VPS26C: variants seen among roughly 807,000 people sequenced by gnomAD.
VPS26C encodes vacuolar protein sorting-associated protein 26C.
VPS26C carries 19 observed loss-of-function variants against 30.6 expected under a neutral mutation model. That is an observed-to-expected ratio of 0.62 (90% CI 0.43 to 0.91). The LOEUF is 0.91. Among genes scored for constraint, VPS26C ranks in the 40% least tolerant of loss-of-function variants. The pLI, the probability that VPS26C is intolerant of heterozygous loss-of-function variation, is 0.00. For synonymous variants in VPS26C, 132 were observed against 151.5 expected (o/e 0.87, Z 0.95); for missense variants, 318 against 385.1 (o/e 0.83, Z 1.46).
chr21:37,262,971 GC>G (rs1462497970), intron 1 of VPS26C, among the ~76,000 whole-genome samples: 3 of 152,000 alleles, frequency 2.0e-5, no homozygotes, highest in African/African-American at 7.2e-5. Context: ...CGCCACGTTG[GC>G]CAGGCTGGTC....
At chr21:37,246,706 T>C (rs1440007841) in intron 1 of VPS26C, among the ~76,000 whole-genome samples, 1 of 152,232 alleles carries the variant, frequency 6.6e-6, no homozygotes, top group African/African-American at 2.4e-5. Flanking sequence ...AGTAGTATAA[T>C]GTACATGGCT....
At chr21:37,239,299 A>G (rs1422034944) in intron 2 of VPS26C, among the ~76,000 whole-genome samples, 1 of 152,246 alleles carries the variant, frequency 6.6e-6, no homozygotes, top group African/African-American at 2.4e-5. Flanking sequence ...TGTAGAAAAC[A>G]TAGGAAGCCC....
At chr21:37,245,629 G>T (rs528118135) in intron 1 of VPS26C, among the ~76,000 whole-genome samples, 1 of 152,174 alleles carries the variant, frequency 6.6e-6, no homozygotes, top group South Asian at 2.1e-4. Flanking sequence ...TCTGTCTCCT[G>T]CCCCTGAACA....
intron 1 of VPS26C, among the ~76,000 whole-genome samples, chr21:37,246,538 C>T (rs561728682): frequency 6.6e-6 from 1 of 151,992 alleles, no homozygotes; most frequent in South Asian, 2.1e-4. Context: ...AAAACTATGT[C>T]AAAAGAACCA....
chr21:37,228,303 A>G lies in VPS26C; in HGVS notation c.578T>C (p.Leu193Pro). The G allele has an allele frequency of 6.2e-7, 1 of 1,614,176 alleles. No homozygotes were observed. Among genetic ancestry groups the G allele is most frequent in the Non-Finnish European group, 8.5e-7 (1 of 1,180,014 alleles). Residue 193 changes from leucine to proline, a missense_variant, in exon 6 of 8, where the codon CTA (leucine) becomes CCA (proline). Leu to Pro is a moderately conservative substitution (Grantham distance 98, BLOSUM62 -3). Coordinates refer to ENST00000309117, the MANE Select transcript of VPS26C (RefSeq NM_006052.2). The stretch of plus-strand genomic sequence containing the variant: ...GCTCTCCACCACCAGCTCTCCCGTT[A>G]GTGGCTGCGTGATGACACAGTTTGT... ...NSTNCVITQPLTGELVVESSE... is the reference protein window; with the variant it reads ...NSTNCVITQPPTGELVVESSE...
rs1216839292 is a variant in VPS26C, at chr21:37,226,943, G to A, written c.811+711C>T. On this transcript the variant is annotated intron_variant, in intron 7 of 7. Transcript: ENST00000309117. This position sits in a 1 kb window ranked among gnomAD's most constrained non-coding sequence, Gnocchi z 4.1. ...TCCCAATTAACATGATTCTTATTAA[G>A]ATGGAGGTCCCATTACAATATTTAT... 6.6e-6 allele frequency: 1 copy of A among 152,228 alleles called. No homozygotes were observed. The highest frequency in any genetic ancestry group is 1.5e-5 in the Non-Finnish European group (1 of 68,050). 9.4% of individuals were successfully genotyped at this position (152,228 alleles called of 1,614,324 possible).
At chr21:37,246,839 C>A (rs1052751163) in intron 1 of VPS26C, among the ~76,000 whole-genome samples, 1 of 152,184 alleles carries the variant, frequency 6.6e-6, no homozygotes, top group African/African-American at 2.4e-5. Context: ...CTCACTGCAA[C>A]CTCCACCTCC....
intron 1 of VPS26C, 68 bp downstream of exon 1, chr21:37,267,170 G>C: frequency 7.5e-7 from 1 of 1,333,444 alleles, no homozygotes; most frequent in Non-Finnish European, 1.1e-6. Context: ...TGCGCAGAGC[G>C]ATGGAGACAG....
At chr21:37,242,226 A>G (rs2086094801) in intron 1 of VPS26C, among the ~76,000 whole-genome samples, 1 of 152,240 alleles carries the variant, frequency 6.6e-6, no homozygotes, top group African/African-American at 2.4e-5. Context: ...ATTCCTGTGA[A>G]GTAACTTAAA....
At position 37,225,750 on chromosome 21, in the gene VPS26C, T is replaced by C. The variant is rs954920386; in HGVS notation, c.812-124A>G. ...GAGCACCCGGTGCGGGTGGGTTTCA[T>C]TGCTGTCCCCTCAGCGCCACCCTGA... On this transcript the variant is annotated intron_variant, in intron 7 of 7. Transcript: ENST00000309117. The C allele has an allele frequency of 3.9e-6, 3 of 771,430 alleles. No homozygotes were observed. In the South Asian group the frequency reaches 4.6e-5, roughly 12 times the overall value. 47.8% of individuals were successfully genotyped at this position (771,430 alleles called of 1,614,324 possible). A position where few individuals can be genotyped will look rare whatever the true frequency, so the allele number is the denominator to read the frequency against.
chr21:37,242,274 G>A (rs1411947803), intron 1 of VPS26C, among the ~76,000 whole-genome samples: 2 of 152,038 alleles, frequency 1.3e-5, no homozygotes, highest in African/African-American at 2.4e-5. Flanking sequence ...TTAATTTTTT[G>A]TATAGCCCAA....
chr21:37,242,169 GTTTAA>G (rs756774224), intron 1 of VPS26C, among the ~76,000 whole-genome samples: 4 of 152,178 alleles, frequency 2.6e-5, no homozygotes, highest in Non-Finnish European at 4.4e-5. Flanking sequence ...AATGTTTAAT[GTTTAA>G]TTTAATGTTC....
chr21:37,258,802 G>A (rs1327910527), intron 1 of VPS26C, among the ~76,000 whole-genome samples: 1 of 152,184 alleles, frequency 6.6e-6, no homozygotes, highest in Non-Finnish European at 1.5e-5. Context: ...GAAACACGCC[G>A]CGGTGGTCAA....
At chr21:37,239,271 A>T (rs192832187) in intron 2 of VPS26C, among the ~76,000 whole-genome samples, 3 of 152,328 alleles carry the variant, frequency 2.0e-5, no homozygotes, top group Non-Finnish European at 4.4e-5. Flanking sequence ...CTTAAGTACT[A>T]ATGGATTAAA....
chr21:37,237,313 C>T (rs1210966323), intron 3 of VPS26C: 4 of 152,126 alleles, frequency 2.6e-5, no homozygotes, highest in African/African-American at 4.8e-5. Context: ...TAAAGCAAGT[C>T]GATACTGATT....
At chr21:37,267,203 CCCCACCTCCAT>C in intron 1 of VPS26C, 24 bp downstream of exon 1, 1 of 830,092 alleles carries the variant, frequency 1.2e-6, no homozygotes, top group Admixed American at 2.0e-5. Flanking sequence ...ACCCGCCCAA[CCCCACCTCCAT>C]CCCCACCCCC....
At chr21:37,227,905 C>G (rs2085919006) in intron 6 of VPS26C, 99 bp from the exon 7 acceptor site, 2 of 1,488,026 alleles carry the variant, frequency 1.3e-6, no homozygotes, top group African/African-American at 2.7e-5. Context: ...AAGAATCCTC[C>G]AGGGTCCCCT....
rs2086050969 is a variant in VPS26C at position 37,238,693 on chromosome 21, C to T, written c.202-84G>A. On this transcript the variant is annotated intron_variant, in intron 2 of 7. Transcript: ENST00000309117. ...ACTAATAACGTTCTGAAGGACACAG[C>T]ACCCCGACCCCCTGGAGGCCACCAT... 9 of 1,523,176 alleles carry T rather than the reference C, an allele frequency of 5.9e-6. No individual in the cohort carries two copies. In the East Asian group the frequency reaches 1.8e-4, roughly 31 times the overall value. The allele number at this position is 1,523,176 out of a possible 1,614,324, so 94.4% of individuals were successfully genotyped here. A position where few individuals can be genotyped will look rare whatever the true frequency, so the allele number is the denominator to read the frequency against.
rs1410497123 is a variant in VPS26C at position 37,233,560 on chromosome 21, G to A, written c.352-118C>T. 1.4e-6 allele frequency: 1 copy of A among 695,656 alleles called. No homozygotes were observed. The highest frequency in any genetic ancestry group is 2.6e-6 in the Non-Finnish European group (1 of 389,928). 43.1% of individuals were successfully genotyped at this position (695,656 alleles called of 1,614,324 possible). A position where few individuals can be genotyped will look rare whatever the true frequency, so the allele number is the denominator to read the frequency against. ...TTTAGGGAAATGTTGTACAATCAGTGCATTATAGAAAATTAACATACATAA... is the reference window on the plus strand; with the variant it reads ...TTTAGGGAAATGTTGTACAATCAGTACATTATAGAAAATTAACATACATAA... On this transcript the variant is annotated intron_variant, in intron 3 of 7. Transcript: ENST00000309117. This position sits in a 1 kb window ranked among gnomAD's most constrained non-coding sequence, Gnocchi z 5.2.
Sources: gnomAD v4.1 joint callset for allele counts (sites outside exome capture counted in the v4.1 genomes callset) on GRCh38, gnomAD v4.1.1 for gene constraint, Gnocchi (gnomAD v3.1) non-coding constraint, MANE v1.5 for transcripts, NCBI Gene and HGNC (gene_info 2026-07-23, HGNC 2026-07-21) for gene names.